YME1L1: variants seen among roughly 807,000 people sequenced by gnomAD.
YME1L1 encodes ATP-dependent zinc metalloprotease YME1L1.
A neutral mutation model predicts 90.4 loss-of-function variants in YME1L1; 39 were observed. The observed-to-expected ratio is 0.43, with a 90% CI of 0.33 to 0.56. The LOEUF (loss-of-function observed/expected upper bound fraction) is 0.56. YME1L1 is among the 20% of genes least tolerant of loss of function. YME1L1 has a pLI of 0.03. For missense variants in YME1L1, 617 were observed against 868.4 expected, an observed-to-expected ratio of 0.71 and a Z score of 3.64; for synonymous variants, 284 against 287.3, an observed-to-expected ratio of 0.99 and a Z score of 0.12.
intron 11 of YME1L1, among the ~76,000 whole-genome samples, chr10:27,122,389 G>A (rs944223084): frequency 2.0e-5 from 3 of 152,264 alleles, no homozygotes; most frequent in African/African-American, 7.2e-5. Flanking sequence ...CTTATATTGA[G>A]TTTTAAGATA....
chr10:27,132,502 A>C (rs1419341273), intron 7 of YME1L1, among the ~76,000 whole-genome samples: 1 of 152,096 alleles, frequency 6.6e-6, no homozygotes, highest in Non-Finnish European at 1.5e-5. Context: ...TTATTCCTTT[A>C]CTTTCTTAAT....
chr10:27,135,051 C>A, intron 5 of YME1L1, 70 bp from the exon 6 acceptor site: 1 of 1,449,142 alleles, frequency 6.9e-7, no homozygotes, highest in South Asian at 1.4e-5. Context: ...ATTGTGACCA[C>A]TCAAAAAAAT....
At chr10:27,124,664 C>T (rs2056899262) in intron 9 of YME1L1, among the ~76,000 whole-genome samples, 1 of 152,132 alleles carries the variant, frequency 6.6e-6, no homozygotes, top group African/African-American at 2.4e-5. Flanking sequence ...GATTTTTCTA[C>T]AAATTTATAC....
At chr10:27,137,821 A>C (rs2057045049) in intron 4 of YME1L1, among the ~76,000 whole-genome samples, 1 of 152,124 alleles carries the variant, frequency 6.6e-6, no homozygotes, top group Non-Finnish European at 1.5e-5. Context: ...TGGATGTTAC[A>C]GATAGTAATC....
intron 8 of YME1L1, among the ~76,000 whole-genome samples, chr10:27,131,338 TA>T (rs1196432508): frequency 2.7e-5 from 4 of 150,690 alleles, no homozygotes; most frequent in Non-Finnish European, 5.9e-5. Flanking sequence ...TCCCAGCAGC[TA>T]AAATAGGGCC....
chr10:27,115,519 C>T (rs1240688994), intron 17 of YME1L1, among the ~76,000 whole-genome samples: 1 of 151,824 alleles, frequency 6.6e-6, no homozygotes, highest in Non-Finnish European at 1.5e-5. Flanking sequence ...CCATGTTGCC[C>T]AGGCTGGTCC....
Position 27,143,698 on chromosome 10 carries a change from T to TC in YME1L1, c.332-1214_332-1213insG, listed in dbSNP as rs1564467395. Among the ~76,000 whole-genome samples the TC allele has an allele frequency of 9.4e-3, 419 of 44,414 alleles. 5 individuals are homozygous for TC. The South Asian group carries it at 0.11, about 11-fold the overall frequency. 29.1% of individuals were successfully genotyped at this position (44,414 alleles called of 152,430 possible). On this transcript the variant is annotated intron_variant, in intron 3 of 18. Coordinates refer to ENST00000376016, the MANE Select transcript of YME1L1 (RefSeq NM_014263.4). ...GGGCAACACAGCAAGACTCGTCTCT[T>TC]TAAAAAAAAAAAAAAAAAGATGTAC...
intron 18 of YME1L1, 89 bp downstream of exon 18, chr10:27,114,432 A>G: frequency 1.1e-6 from 1 of 931,268 alleles, no homozygotes. Context: ...TCTAGTGAAC[A>G]GAGGGCCTTC....
At position 27,147,546 on chromosome 10, in the gene YME1L1, T is replaced by C. The variant is rs1481885393; in HGVS notation, c.168+1360A>G. ...CTGGACGGATGTGCCAGTTATCGGT[T>C]GTGTCCAAGCTCTTCTTCATCCTTT... On this transcript the variant is annotated intron_variant, in intron 2 of 18. Transcript: ENST00000376016. The C allele has an allele frequency of 1.2e-6, 2 of 1,611,018 alleles. No homozygotes were observed. The highest frequency in any genetic ancestry group is 2.2e-5 in the South Asian group (2 of 90,610).
intron 1 of YME1L1, among the ~76,000 whole-genome samples, chr10:27,149,711 C>CAAAAAAAAAAAAAAAAA (rs58900380): frequency 3.1e-5 from 1 of 32,374 alleles, no homozygotes; most frequent in African/African-American, 7.8e-5. Flanking sequence ...ACCTGTCTCT[C>CAAAAAAAAAAAAAAAAA]AAAAAAAAAA....
chr10:27,126,925 TAC>T (rs2056926059), intron 8 of YME1L1, 139 bp from the exon 9 acceptor site: 2 of 575,406 alleles, frequency 3.5e-6, no homozygotes, highest in Non-Finnish European at 6.0e-6. Context: ...AAAAAAAGCA[TAC>T]AAAAATGGCC....
At chr10:27,120,396 C>T (rs1341406056) in intron 13 of YME1L1, 39 bp downstream of exon 13, 2 of 1,466,110 alleles carry the variant, frequency 1.4e-6, no homozygotes, top group Non-Finnish European at 1.9e-6. Flanking sequence ...GGTATATTAC[C>T]ACTTTACAGA....
rs1303159437 is a variant in YME1L1 at position 27,134,768 on chromosome 10, T to C, written c.691+63A>G. 35 of 1,546,466 alleles carry C rather than the reference T, an allele frequency of 2.3e-5. No homozygotes were observed. In the East Asian group the frequency reaches 6.5e-4, roughly 29 times the overall value. On this transcript the variant is annotated intron_variant, in intron 6 of 18. Transcript: ENST00000376016. ...TTAGAAAAGTTACTTAAAACTTAAA[T>C]GTAGGACTATGACTTCCTTTCAGTT...
At chr10:27,118,264 C>A (rs189387748) in intron 14 of YME1L1, among the ~76,000 whole-genome samples, 3 of 152,110 alleles carry the variant, frequency 2.0e-5, no homozygotes, top group African/African-American at 7.3e-5. Context: ...GCATGTGCCA[C>A]TGCACCTAGC....
chr10:27,142,484 A>T lies in YME1L1; in HGVS notation c.333T>A (p.Gly111=). 1 of 1,416,302 alleles carries T rather than the reference A, an allele frequency of 7.1e-7. No individual in the cohort carries two copies. The highest frequency in any genetic ancestry group is 9.3e-7 in the Non-Finnish European group (1 of 1,072,124). The allele number at this position is 1,416,302 out of a possible 1,614,324, so 87.7% of individuals were successfully genotyped here. A position where few individuals can be genotyped will look rare whatever the true frequency, so the allele number is the denominator to read the frequency against. ...SAQSFFENKY[G]NLDIFSTLRS... is the part of the protein sequence containing the mutation. ...GTAATGTACTAAATATATCTAAGTT[A>T]CCTGGAGGGAAATTGCAAAAAGTAA... is the stretch of plus-strand genomic sequence containing the variant. The change falls in exon 4 of 19, where the codon GGT becomes GGA. Residue 111 remains glycine (G), a splice_region_variant and synonymous_variant. Coordinates refer to ENST00000376016, the MANE Select transcript of YME1L1 (RefSeq NM_014263.4).
chr10:27,144,544 A>AAC lies in YME1L1; in HGVS notation c.331+883_331+884insGT, dbSNP rs370986685. Reference sequence around the variant, plus strand: ...AGTTGACATCCCTTTTCAGACTAGTATGAACCCACTTATTATACTACCATA... The same window carrying AAC: ...AGTTGACATCCCTTTTCAGACTAGTAACTGAACCCACTTATTATACTACCATA... On this transcript the variant is annotated intron_variant, in intron 3 of 18. Coordinates refer to ENST00000376016, the MANE Select transcript of YME1L1 (RefSeq NM_014263.4). Among the ~76,000 whole-genome samples, 1,105 of 152,284 alleles carry AAC rather than the reference A, an allele frequency of 7.3e-3. 11 individuals carry two copies. The highest frequency in any genetic ancestry group is 0.026 in the African/African-American group (1,062 of 41,540).
At position 27,150,984 on chromosome 10, in the gene YME1L1, G is replaced by C. The variant is rs548705105; in HGVS notation, c.34-1944C>G. ...TTTGTCGCCCAGACTGGAGTGCAGT[G>C]ATGCAATCTCGGCTCACTGCAACCA... On this transcript the variant is annotated intron_variant, in intron 1 of 18. Transcript: ENST00000376016. Among the ~76,000 whole-genome samples the C allele has an allele frequency of 4.5e-5, 6 of 133,784 alleles. No individual in the cohort carries two copies. The East Asian group carries it at 1.3e-3, about 30-fold the overall frequency. The allele number at this position is 133,784 out of a possible 152,430, so 87.8% of individuals were successfully genotyped here. A position where few individuals can be genotyped will look rare whatever the true frequency, so the allele number is the denominator to read the frequency against.
chr10:27,116,941 G>T (rs920329199), intron 15 of YME1L1, among the ~76,000 whole-genome samples: 1 of 152,036 alleles, frequency 6.6e-6, no homozygotes, highest in South Asian at 2.1e-4. Context: ...TTTCAGCACC[G>T]TAAGACTGGG....
intron 8 of YME1L1, chr10:27,129,113 ACTC>A (rs2056951901): frequency 3.5e-5 from 4 of 115,606 alleles, no homozygotes; most frequent in Admixed American, 2.8e-4. Context: ...AAAAAAAAAA[ACTC>A]TCATTCCAAA....
Sources: gnomAD v4.1 joint callset for allele counts (sites outside exome capture counted in the v4.1 genomes callset) on GRCh38, gnomAD v4.1.1 for gene constraint, MANE v1.5 for transcripts, NCBI Gene and HGNC (gene_info 2026-07-23, HGNC 2026-07-21) for gene names.